RANBP2: variants seen among roughly 807,000 people sequenced by gnomAD.
RANBP2 encodes E3 SUMO-protein ligase RanBP2.
RANBP2 carries 57 observed loss-of-function variants against 303.6 expected under a neutral mutation model. The ratio of observed to expected loss-of-function variants is 0.19; its 90% confidence interval spans 0.15 to 0.23. The LOEUF is 0.23. Ranked by LOEUF, RANBP2 falls within the 10% of genes least tolerant of loss-of-function variation. RANBP2 has a pLI of 1.00. For missense variants in RANBP2, 3,138 were observed against 3,780.8 expected (o/e 0.83, Z 4.46); for synonymous variants, 1,167 against 1,301.5 (o/e 0.90, Z 2.23).
chr2:109,659,270 G>A, the RANBP2 span, among the ~76,000 whole-genome samples: 7 of 151,530 alleles, frequency 4.6e-5, no homozygotes, highest in African/African-American at 7.3e-5. Context: ...CCAGCTACTC[G>A]GGAGGCTGAG....
At chr2:108,853,899 AT>A in the RANBP2 span, among the ~76,000 whole-genome samples, 1 of 120,164 alleles carries the variant, frequency 8.3e-6, no homozygotes. Flanking sequence ...TAGTATATAT[AT>A]TATATATTAT....
the RANBP2 span, among the ~76,000 whole-genome samples, chr2:109,625,174 G>A: frequency 6.6e-6 from 1 of 151,594 alleles, no homozygotes. Flanking sequence ...TACTAAATTG[G>A]AATCTGCATT....
At chr2:109,230,663 C>T in the RANBP2 span, among the ~76,000 whole-genome samples, 2 of 152,142 alleles carry the variant, frequency 1.3e-5, no homozygotes, top group African/African-American at 2.4e-5. Flanking sequence ...CCTGATAAAC[C>T]CATTGTAATG....
At chr2:109,725,739 T>C in the RANBP2 span, among the ~76,000 whole-genome samples, 5 of 152,146 alleles carry the variant, frequency 3.3e-5, no homozygotes, top group Non-Finnish European at 7.4e-5. Context: ...TTTTTTCTTT[T>C]TTTTCTTTTT....
chr2:109,427,590 G>T, the RANBP2 span, among the ~76,000 whole-genome samples: 1 of 152,144 alleles, frequency 6.6e-6, no homozygotes, highest in East Asian at 1.9e-4. Context: ...CACACTTCGG[G>T]AGTCCCTGCA....
the RANBP2 span, among the ~76,000 whole-genome samples, chr2:109,052,466 G>T: frequency 6.6e-6 from 1 of 152,110 alleles, no homozygotes. Context: ...ATATTTCTTG[G>T]TGTAAGCTTT....
chr2:108,811,247 C>CTCTTTTTTTTTTTTT, the RANBP2 span, among the ~76,000 whole-genome samples: 25 of 113,884 alleles, frequency 2.2e-4, no homozygotes, highest in African/African-American at 7.6e-4. Context: ...TTCTCTCTCT[C>CTCTTTTTTTTTTTTT]TTTTTTTTTT....
chr2:109,639,349 G>A, the RANBP2 span, among the ~76,000 whole-genome samples: 7 of 152,218 alleles, frequency 4.6e-5, no homozygotes, highest in African/African-American at 7.2e-5. Flanking sequence ...AGCTGGACGC[G>A]GTGGCTCACG....
chr2:108,787,683 G>A (rs2149362409), downstream of RANBP2, among the ~76,000 whole-genome samples: 2 of 152,046 alleles, frequency 1.3e-5, no homozygotes, highest in Middle Eastern at 3.4e-3. Flanking sequence ...TCTGGAACAG[G>A]TTCACAGCCT....
At chr2:109,549,999 A>G in the RANBP2 span, among the ~76,000 whole-genome samples, 1 of 152,164 alleles carries the variant, frequency 6.6e-6, no homozygotes, top group Admixed American at 6.5e-5. Flanking sequence ...TTTTAAGGAC[A>G]CGACACATTC....
the RANBP2 span, among the ~76,000 whole-genome samples, chr2:109,044,420 G>A: frequency 1.3e-5 from 2 of 152,002 alleles, no homozygotes; most frequent in African/African-American, 4.8e-5. Context: ...CTACTCGGGA[G>A]GCTCAGGCAG....
At chr2:109,191,634 G>A in the RANBP2 span, among the ~76,000 whole-genome samples, 1 of 152,158 alleles carries the variant, frequency 6.6e-6, no homozygotes. Context: ...TGCAGCAAGA[G>A]CAGTCCCAAT....
the RANBP2 span, among the ~76,000 whole-genome samples, chr2:109,231,533 A>C: frequency 6.6e-6 from 1 of 152,212 alleles, no homozygotes; most frequent in East Asian, 1.9e-4. Context: ...CTCTGTTCAT[A>C]GATTTTTCCA....
the RANBP2 span, among the ~76,000 whole-genome samples, chr2:109,325,887 T>C: frequency 2.0e-5 from 3 of 152,242 alleles, no homozygotes; most frequent in East Asian, 3.8e-4. Flanking sequence ...CAGAGAGGGT[T>C]GAAAGTATGC....
the RANBP2 span, among the ~76,000 whole-genome samples, chr2:109,306,030 G>T: frequency 6.6e-6 from 1 of 152,200 alleles, no homozygotes. Flanking sequence ...GGAGTGATTC[G>T]CTGCCTTCTG....
At chr2:108,741,805 C>G (rs1206199223) in intron 7 of RANBP2, among the ~76,000 whole-genome samples, 1 of 136,790 alleles carries the variant, frequency 7.3e-6, no homozygotes, top group South Asian at 2.4e-4. Flanking sequence ...AGCCACCACA[C>G]CCAGCCTTTT....
the RANBP2 span, among the ~76,000 whole-genome samples, chr2:108,984,644 C>T: frequency 6.6e-6 from 1 of 152,132 alleles, no homozygotes; most frequent in Non-Finnish European, 1.5e-5. Flanking sequence ...GAGGCCCCCA[C>T]TACTACCCTG....
At chr2:109,236,320 G>A in the RANBP2 span, among the ~76,000 whole-genome samples, 477 of 152,276 alleles carry the variant, frequency 3.1e-3, 3 homozygotes, top group African/African-American at 0.011. Flanking sequence ...GGGGAATAAT[G>A]AGCAATGCCC....
chr2:108,998,916 C>A, the RANBP2 span, among the ~76,000 whole-genome samples: 1 of 152,232 alleles, frequency 6.6e-6, no homozygotes, highest in Non-Finnish European at 1.5e-5. Flanking sequence ...TCCACCAGAG[C>A]CTGGTTCCCT....
Sources: gnomAD v4.1 joint callset for allele counts (sites outside exome capture counted in the v4.1 genomes callset) on GRCh38, gnomAD v4.1.1 for gene constraint, MANE v1.5 for transcripts, NCBI Gene and HGNC (gene_info 2026-07-23, HGNC 2026-07-21) for gene names.